ANK3: variants seen among roughly 807,000 people sequenced by gnomAD.
The protein encoded by ANK3 is ankyrin 3, also known as ankyrin-3.
ANK3 carries 57 observed loss-of-function variants against 370.9 expected under a neutral mutation model. The ratio of observed to expected loss-of-function variants is 0.15; its 90% CI spans 0.12 to 0.19. ANK3 has a LOEUF of 0.19. Among genes scored for constraint, ANK3 ranks in the 10% least tolerant of loss-of-function variants. The probability of loss-of-function intolerance (pLI) is 1.00; values close to 1 mark genes in which losing one functional copy is unlikely to be tolerated. For synonymous variants in ANK3, 1,929 were observed against 1,946.3 expected (o/e 0.99, Z 0.23); for missense variants, 4,439 against 5,302.1 (o/e 0.84, Z 5.06).
At position 60,029,742 on chromosome 10, in the gene ANK3, A is replaced by G. The variant is rs1206058982; in HGVS notation, c.*104T>C. 1 of 151,786 alleles carries G rather than the reference A, an allele frequency of 6.6e-6. No homozygotes were observed. Among genetic ancestry groups the G allele is most frequent in the Non-Finnish European group, 1.5e-5 (1 of 67,788 alleles). The allele number at this position is 151,786 out of a possible 1,614,324, so 9.4% of individuals were successfully genotyped here. On this transcript the variant is annotated 3_prime_UTR_variant, in exon 44 of 44. Transcript: ENST00000280772. ...CCATTAATGTGTGGAAGCAGCGAAC[A>G]CACACACACTTCTCGGTGAATTTTT... is the stretch of plus-strand genomic sequence containing the variant.
chr10:60,535,061 C>A (rs889583057), intron 2 of ANK3, among the ~76,000 whole-genome samples: 1 of 152,094 alleles, frequency 6.6e-6, no homozygotes, highest in African/African-American at 2.4e-5. Context: ...AGCTACGGCT[C>A]CAGAACTCCT....
chr10:60,049,057 C>T (rs1459325865), intron 42 of ANK3, among the ~76,000 whole-genome samples: 1 of 152,180 alleles, frequency 6.6e-6, no homozygotes, highest in Non-Finnish European at 1.5e-5. Context: ...AAGTGTGACT[C>T]TTTGCAATTG....
intron 2 of ANK3, among the ~76,000 whole-genome samples, chr10:60,581,768 C>T (rs2077757661): frequency 6.6e-6 from 1 of 151,848 alleles, no homozygotes; most frequent in Admixed American, 6.6e-5. Context: ...AGGTTATTTG[C>T]TTTTTTGCTG....
chr10:60,592,424 G>T (rs1186441797), intron 2 of ANK3, among the ~76,000 whole-genome samples: 1 of 152,218 alleles, frequency 6.6e-6, no homozygotes, highest in Non-Finnish European at 1.5e-5. Flanking sequence ...AAGGCATGGA[G>T]AGATTGGAGA....
chr10:60,583,469 AATGT>A (rs2077783424), intron 2 of ANK3, among the ~76,000 whole-genome samples: 2 of 151,928 alleles, frequency 1.3e-5, no homozygotes. Context: ...AGCTAAGAAC[AATGT>A]ATTATATATT....
chr10:60,234,537 T>C (rs945665098), intron 8 of ANK3, 151 bp downstream of exon 8: 7 of 537,962 alleles, frequency 1.3e-5, no homozygotes, highest in African/African-American at 5.6e-5. Context: ...CATACCATTT[T>C]AAAAAGAATA....
chr10:60,325,998 G>A (rs1323447521), intron 1 of ANK3, among the ~76,000 whole-genome samples: 1 of 152,160 alleles, frequency 6.6e-6, no homozygotes, highest in Non-Finnish European at 1.5e-5. Context: ...GGAGCTGGAG[G>A]CCATTATCCT....
At chr10:60,196,331 C>T (rs748514611) in intron 15 of ANK3, 88 bp from the exon 16 acceptor site, 65 of 1,188,140 alleles carry the variant, frequency 5.5e-5, no homozygotes, top group Non-Finnish European at 6.8e-5. Context: ...AGATTGGATA[C>T]GACATAGGGC....
intron 1 of ANK3, among the ~76,000 whole-genome samples, chr10:60,375,585 G>A (rs542448017): frequency 6.6e-6 from 1 of 152,254 alleles, no homozygotes; most frequent in Admixed American, 6.5e-5. Context: ...CGGGGTGCTG[G>A]TGCAGAAGCA....
chr10:60,107,513 C>T (rs2092310547), intron 27 of ANK3, among the ~76,000 whole-genome samples: 1 of 152,176 alleles, frequency 6.6e-6, no homozygotes, highest in Admixed American at 6.5e-5. Flanking sequence ...AAGGCAAATA[C>T]AACAATCAAA....
At chr10:60,220,828 G>T (rs953201788) in intron 8 of ANK3, among the ~76,000 whole-genome samples, 6 of 152,142 alleles carry the variant, frequency 3.9e-5, no homozygotes, top group African/African-American at 1.4e-4. Flanking sequence ...CTGATATTTG[G>T]CTCAGAATAA....
At position 60,140,143 on chromosome 10, in the gene ANK3, G is replaced by A. The variant is rs2094500501; in HGVS notation, c.2615-1056C>T. 8 of 582,720 alleles carry A rather than the reference G, an allele frequency of 1.4e-5. No homozygotes were observed. In the East Asian group the frequency reaches 2.0e-4, roughly 15 times the overall value. 36.1% of individuals were successfully genotyped at this position (582,720 alleles called of 1,614,324 possible). ...TTCATTTAAACTCAGGAAACCGCAA[G>A]AGCTCAGCTTTTAAACTACCAATCA... On this transcript the variant is annotated intron_variant, in intron 23 of 43. Transcript: ENST00000280772.
At chr10:60,201,159 AC>A (rs2096667780) in intron 12 of ANK3, among the ~76,000 whole-genome samples, 1 of 152,226 alleles carries the variant, frequency 6.6e-6, no homozygotes, top group African/African-American at 2.4e-5. Context: ...GATTGTGTTT[AC>A]TGGAAAGGTG....
At chr10:60,330,528 C>CACCAGTG (rs1402659841) in intron 1 of ANK3, among the ~76,000 whole-genome samples, 1 of 152,176 alleles carries the variant, frequency 6.6e-6, no homozygotes, top group Non-Finnish European at 1.5e-5. Context: ...AAAAGCTCAT[C>CACCAGTG]ATCACTGGTC....
chr10:60,686,166 C>T (rs1186300080), intron 1 of ANK3, among the ~76,000 whole-genome samples: 1 of 151,916 alleles, frequency 6.6e-6, no homozygotes, highest in Admixed American at 6.6e-5. Flanking sequence ...TGTTTACAAA[C>T]CTTAGTATTT....
intron 18 of ANK3, among the ~76,000 whole-genome samples, chr10:60,176,735 A>G (rs12260127): frequency 0.091 from 13,815 of 152,186 alleles, 1,701 homozygotes; most frequent in African/African-American, 0.28. Flanking sequence ...CTCCAGCCTG[A>G]GTGACAAGAG....
chr10:60,397,608 C>T (rs907467902), intron 2 of ANK3, among the ~76,000 whole-genome samples: 1 of 152,100 alleles, frequency 6.6e-6, no homozygotes, highest in Admixed American at 6.5e-5. Flanking sequence ...TGGGATTCAC[C>T]CTCTTCCTAC....
chr10:60,043,127 T>C (rs1186295901), intron 42 of ANK3: 1 of 1,013,202 alleles, frequency 9.9e-7, no homozygotes, highest in African/African-American at 1.7e-5. Context: ...GACTTCTTAG[T>C]TAAGTACTAA....
At chr10:60,584,482 G>A (rs2077802647) in intron 2 of ANK3, among the ~76,000 whole-genome samples, 2 of 152,004 alleles carry the variant, frequency 1.3e-5, no homozygotes, top group Non-Finnish European at 2.9e-5. Flanking sequence ...GCCAGGTGTG[G>A]TGGCAAGTGC....
Sources: allele counts gnomAD v4.1 joint callset (sites outside exome capture counted in the v4.1 genomes callset), GRCh38; gene constraint gnomAD v4.1.1; transcripts MANE v1.5; gene names NCBI Gene and HGNC (gene_info 2026-07-23, HGNC 2026-07-21).